The following WDR33 variants were observed in gnomAD, a reference collection of about 807,000 sequenced individuals.
The protein encoded by WDR33 is pre-mRNA 3' end processing protein WDR33.
In WDR33, 47 loss-of-function variants were observed where a neutral mutation model predicts 164.9. The observed-to-expected ratio is 0.29, with a 90% CI of 0.23 to 0.36. The LOEUF (loss-of-function observed/expected upper bound fraction) is 0.36. Among genes scored for constraint, WDR33 ranks in the 10% least tolerant of loss-of-function variants. WDR33 has a pLI of 1.00. For synonymous variants in WDR33, 505 were observed against 589.0 expected (o/e 0.86, Z 2.06); for missense variants, 1,137 against 1,754.1 (o/e 0.65, Z 6.28).
chr2:127,770,392 T>G lies in WDR33; in HGVS notation c.204+386A>C, dbSNP rs80144870. Among the ~76,000 whole-genome samples, 4,126 of 152,240 alleles carry G rather than the reference T, an allele frequency of 0.027. 205 individuals are homozygous for G. Among genetic ancestry groups the G allele is most frequent in the African/African-American group, 0.093 (3,875 of 41,542 alleles). On this transcript the variant is annotated intron_variant, in intron 2 of 21. Transcript: ENST00000322313. The surrounding 1 kb of genome is among the most constrained non-coding windows in gnomAD (Gnocchi z 4.9). ...ACTACACTACATCTAGAAAATCATC[T>G]TCTTTTAAATAACCAGGCCGGGCGC...
At chr2:127,744,040 CTTA>C (rs921341870) in intron 7 of WDR33, among the ~76,000 whole-genome samples, 2 of 152,088 alleles carry the variant, frequency 1.3e-5, no homozygotes, top group African/African-American at 2.4e-5. Flanking sequence ...ACCATGTGTG[CTTA>C]TTATTAGTGA....
rs533075368 is a variant in WDR33 at position 127,735,562 on chromosome 2, T to C, written c.725-8785A>G. ...AAAAAAGGCAAACAAAGAATTCAAG[T>C]ACCATCTTGTACAATATTAACAGAA... On this transcript the variant is annotated intron_variant, in intron 7 of 21. Transcript: ENST00000322313. This position sits in a 1 kb window ranked among gnomAD's most constrained non-coding sequence, Gnocchi z 4.3. 5.5e-5 allele frequency: 54 copies of C among 985,816 alleles called. No homozygotes were observed. In the African/African-American group the frequency reaches 7.8e-4, roughly 14 times the overall value. 61.1% of individuals were successfully genotyped at this position (985,816 alleles called of 1,614,324 possible).
intron 7 of WDR33, among the ~76,000 whole-genome samples, chr2:127,731,885 A>G (rs1476673069): frequency 1.3e-5 from 2 of 152,150 alleles, no homozygotes; most frequent in Non-Finnish European, 2.9e-5. Flanking sequence ...CAGGAGGTAG[A>G]GATCAGCCTG....
chr2:127,727,701 A>AT (rs984815541), intron 7 of WDR33, among the ~76,000 whole-genome samples: 1 of 152,226 alleles, frequency 6.6e-6, no homozygotes, highest in African/African-American at 2.4e-5. Context: ...AATGGATATG[A>AT]TTTTTGAAAA....
Position 127,720,387 on chromosome 2 carries a change from A to G in WDR33, c.1672-34T>C. 1 of 1,503,580 alleles carries G rather than the reference A, an allele frequency of 6.7e-7. No individual in the cohort carries two copies. The highest frequency in any genetic ancestry group is 2.3e-5 in the Admixed American group (1 of 43,090). 93.1% of individuals were successfully genotyped at this position (1,503,580 alleles called of 1,614,324 possible). ...AAAGAAAGAAAAAAGCATGTTGAAT[A>G]AACAGGCCAGAGCCCTTGAAGATGA... On this transcript the variant is annotated intron_variant, in intron 15 of 21. Transcript: ENST00000322313. This position sits in a 1 kb window ranked among gnomAD's most constrained non-coding sequence, Gnocchi z 5.9.
At position 127,764,583 on chromosome 2, in the gene WDR33, T is replaced by C; in HGVS notation, c.626+245A>G. 1.9e-6 allele frequency: 3 copies of C among 1,551,780 alleles called. No homozygotes were observed. Among genetic ancestry groups the C allele is most frequent in the Non-Finnish European group, 2.6e-6 (3 of 1,147,018 alleles). On this transcript the variant is annotated intron_variant, in intron 6 of 21. Transcript: ENST00000322313. This position sits in a 1 kb window ranked among gnomAD's most constrained non-coding sequence, Gnocchi z 6.2. Reference sequence around the variant, plus strand: ...ATCATAAATGAAAAGAGAAAACCAGTGCAAAATGCGGCAGACAGTACATCT... The same window carrying C: ...ATCATAAATGAAAAGAGAAAACCAGCGCAAAATGCGGCAGACAGTACATCT...
chr2:127,706,108 G>T lies in WDR33; in HGVS notation c.*215C>A. Reference sequence around the variant, plus strand: ...ATCTTCACAAAACAACATGGGAGTTGGGGCAATGAGGGTGGACAGGACAGG... The same window carrying T: ...ATCTTCACAAAACAACATGGGAGTTTGGGCAATGAGGGTGGACAGGACAGG... On this transcript the variant is annotated 3_prime_UTR_variant, in exon 22 of 22. Transcript: ENST00000322313. This position sits in a 1 kb window ranked among gnomAD's most constrained non-coding sequence, Gnocchi z 5.1. The T allele has an allele frequency of 2.5e-6, 1 of 404,290 alleles. No individual in the cohort carries two copies. 25.0% of individuals were successfully genotyped at this position (404,290 alleles called of 1,614,324 possible).
rs377610466 is a variant in WDR33 at position 127,708,714 on chromosome 2, C to T, written c.3744G>A (p.Glu1248=). The T allele has an allele frequency of 2.6e-5, 42 of 1,612,442 alleles. No homozygotes were observed. The highest frequency in any genetic ancestry group is 3.3e-5 in the Non-Finnish European group (39 of 1,178,922). ...GGTCTTCAGAAGGGCCTCCTGGGGCCTCCATCTCTCTGTGCTCAGAAGTGC... is the reference window on the plus strand; with the variant it reads ...GGTCTTCAGAAGGGCCTCCTGGGGCTTCCATCTCTCTGTGCTCAGAAGTGC... ...GPGTSEHREM[E]APGGPSEDRG... is the part of the protein sequence containing the mutation. Residue 1248 remains glutamate, a synonymous_variant, in exon 21 of 22, where the codon GAG becomes GAA. Transcript: ENST00000322313. This position sits in a 1 kb window ranked among gnomAD's most constrained non-coding sequence, Gnocchi z 6.7.
rs369816258 is a variant in WDR33, at chr2:127,723,067, G to A, written c.1292-23C>T. ...CATCTATAAATAGTAATACACCATT[G>A]TCAATAGAGAATTTACAAAAGTAGC... On this transcript the variant is annotated intron_variant, in intron 12 of 21. Coordinates refer to ENST00000322313, the MANE Select transcript of WDR33 (RefSeq NM_018383.5). This position sits in a 1 kb window ranked among gnomAD's most constrained non-coding sequence, Gnocchi z 5.9. 7.6e-6 allele frequency: 12 copies of A among 1,570,602 alleles called. No individual in the cohort carries two copies. Among genetic ancestry groups the A allele is most frequent in the African/African-American group, 1.4e-5 (1 of 72,814 alleles).
At chr2:127,743,721 T>C (rs1041879828) in intron 7 of WDR33, among the ~76,000 whole-genome samples, 4 of 152,096 alleles carry the variant, frequency 2.6e-5, no homozygotes, top group Non-Finnish European at 5.9e-5. Context: ...GGCAGTCCCC[T>C]TAAAAATAAA....
intron 1 of WDR33, among the ~76,000 whole-genome samples, chr2:127,786,458 G>A (rs560542549): frequency 2.0e-5 from 3 of 152,280 alleles, no homozygotes; most frequent in South Asian, 4.1e-4. Context: ...TGAGGCAGAC[G>A]GATCACTTGA....
intron 1 of WDR33, among the ~76,000 whole-genome samples, chr2:127,786,099 T>G (rs1036989202): frequency 1.3e-5 from 2 of 152,220 alleles, no homozygotes; most frequent in Non-Finnish European, 2.9e-5. Context: ...AGTAGCACAA[T>G]CACAGCTCAC....
chr2:127,701,854 C>G lies in WDR33; in HGVS notation c.*4469G>C. 1 of 1,461,332 alleles carries G rather than the reference C, an allele frequency of 6.8e-7. No individual in the cohort carries two copies. The highest frequency in any genetic ancestry group is 3.1e-5 in the East Asian group (1 of 32,546). 90.5% of individuals were successfully genotyped at this position (1,461,332 alleles called of 1,614,324 possible). On this transcript the variant is annotated 3_prime_UTR_variant, in exon 22 of 22. Coordinates refer to ENST00000322313, the MANE Select transcript of WDR33 (RefSeq NM_018383.5). ...TTGCTGCTGCGCGCGCGCAAGTTCG[C>G]GCTGCTCTGGTCACTGGGCTCGGCG...
At chr2:127,747,940 C>T (rs936835298) in intron 7 of WDR33, among the ~76,000 whole-genome samples, 1 of 152,182 alleles carries the variant, frequency 6.6e-6, no homozygotes, top group African/African-American at 2.4e-5. Flanking sequence ...GTTGGACAAT[C>T]TCACTGAACG....
intron 1 of WDR33, chr2:127,810,770 C>CCAGT (rs1156715079): frequency 7.2e-6 from 1 of 139,484 alleles, no homozygotes; most frequent in African/African-American, 2.9e-5. Context: ...GCCACCGCTC[C>CCAGT]CAGTCAGGGC....
intron 1 of WDR33, among the ~76,000 whole-genome samples, chr2:127,784,044 T>G (rs1017173724): frequency 2.6e-5 from 4 of 152,202 alleles, no homozygotes; most frequent in Non-Finnish European, 5.9e-5. Flanking sequence ...ATAAACTCAT[T>G]ACCTTTCCTT....
intron 1 of WDR33, among the ~76,000 whole-genome samples, chr2:127,794,273 G>A (rs1267956905): frequency 6.6e-6 from 1 of 152,044 alleles, no homozygotes; most frequent in African/African-American, 2.4e-5. Flanking sequence ...GCAGAGGCAG[G>A]TGGATCACCT....
chr2:127,768,978 C>T lies in WDR33; in HGVS notation c.228G>A (p.Gln76=), dbSNP rs1425200855. 6.3e-7 allele frequency: 1 copy of T among 1,581,972 alleles called. No homozygotes were observed. The highest frequency in any genetic ancestry group is 8.6e-7 in the Non-Finnish European group (1 of 1,165,684). The stretch of plus-strand genomic sequence containing the variant: ...CAGGCTGAATTGCCCGCATATCTCT[C>T]TGGTCTCTTTGCCATATTCTGTTCT... ...YLENRIWQRD[Q]RDMRAIQPDA... Residue 76 remains glutamine, a synonymous_variant, in exon 3 of 22, where the codon CAG becomes CAA. Coordinates refer to ENST00000322313, the MANE Select transcript of WDR33 (RefSeq NM_018383.5).
chr2:127,771,841 C>G (rs1688014178), intron 1 of WDR33, among the ~76,000 whole-genome samples: 1 of 151,838 alleles, frequency 6.6e-6, no homozygotes, highest in Admixed American at 6.6e-5. Context: ...AGAATAAGTG[C>G]TAAGAGGCAT....
Sources: gnomAD v4.1 joint callset for allele counts (sites outside exome capture counted in the v4.1 genomes callset) on GRCh38, gnomAD v4.1.1 for gene constraint, Gnocchi (gnomAD v3.1) non-coding constraint, MANE v1.5 for transcripts, NCBI Gene and HGNC (gene_info 2026-07-23, HGNC 2026-07-21) for gene names.